The following ARMC9 variants were observed in gnomAD, a reference collection of about 807,000 sequenced individuals.
ARMC9 encodes armadillo repeat containing 9.
In ARMC9, 94 loss-of-function variants were observed where a neutral mutation model predicts 107.0. The ratio of observed to expected loss-of-function variants is 0.88; its 90% CI spans 0.74 to 1.04. The LOEUF (loss-of-function observed/expected upper bound fraction) is 1.04. ARMC9 is among the 50% of genes least tolerant of loss of function. The probability of loss-of-function intolerance (pLI) is 0.00; values close to 1 mark genes in which losing one functional copy is unlikely to be tolerated. For synonymous variants in ARMC9, 380 were observed against 396.9 expected (o/e 0.96, Z 0.51); for missense variants, 942 against 1,030.1 (o/e 0.91, Z 1.17).
At chr2:231,353,973 GTA>G (rs35380089) in intron 21 of ARMC9, among the ~76,000 whole-genome samples, 187 of 125,032 alleles carry the variant, frequency 1.5e-3, no homozygotes, top group African/African-American at 2.1e-3. Flanking sequence ...CAGCATATAT[GTA>G]TATATACACA....
chr2:231,215,295 A>G, intron 4 of ARMC9: 1 of 283,070 alleles, frequency 3.5e-6, no homozygotes, highest in Non-Finnish European at 6.7e-6. Flanking sequence ...GTAGGCGTGT[A>G]TGTCTAAGAG....
chr2:231,227,150 A>G (rs187430082), intron 7 of ARMC9, among the ~76,000 whole-genome samples: 41 of 152,296 alleles, frequency 2.7e-4, no homozygotes, highest in Admixed American at 2.3e-3. Flanking sequence ...TAATTATTTT[A>G]ATATTTAACT....
chr2:231,259,612 T>C (rs895654756), intron 11 of ARMC9, among the ~76,000 whole-genome samples: 1 of 152,214 alleles, frequency 6.6e-6, no homozygotes, highest in African/African-American at 2.4e-5. Context: ...TCAGACCCTT[T>C]CCACTCTCAA....
intron 17 of ARMC9, among the ~76,000 whole-genome samples, chr2:231,285,061 G>T (rs1179258697): frequency 1.3e-5 from 2 of 151,976 alleles, no homozygotes; most frequent in Non-Finnish European, 2.9e-5. Context: ...AGCCGCGTGT[G>T]GTGGCACGTG....
At chr2:231,229,443 T>G (rs1470937456) in intron 7 of ARMC9, among the ~76,000 whole-genome samples, 3 of 152,240 alleles carry the variant, frequency 2.0e-5, no homozygotes, top group Non-Finnish European at 4.4e-5. Context: ...GAAACTTCTC[T>G]CAGAAGGAAT....
chr2:231,227,050 AAAGGGAGGT>A (rs1459069964), intron 7 of ARMC9, among the ~76,000 whole-genome samples: 1 of 152,208 alleles, frequency 6.6e-6, no homozygotes, highest in Non-Finnish European at 1.5e-5. Flanking sequence ...ATAACATCCC[AAAGGGAGGT>A]AACTGCAGCA....
At chr2:231,270,137 G>A (rs768100287) in intron 12 of ARMC9, among the ~76,000 whole-genome samples, 1 of 152,160 alleles carries the variant, frequency 6.6e-6, no homozygotes, top group Non-Finnish European at 1.5e-5. Context: ...AGGCCTAGAG[G>A]GCAAAGGTCT....
At chr2:231,337,148 G>A (rs16827956) in intron 20 of ARMC9, among the ~76,000 whole-genome samples, 7,596 of 151,834 alleles carry the variant, frequency 0.05, 262 homozygotes, top group African/African-American at 0.092. Flanking sequence ...CCACTTTGGG[G>A]CATTTCCTAA....
chr2:231,339,284 C>T (rs2044344457), intron 20 of ARMC9, among the ~76,000 whole-genome samples: 1 of 151,356 alleles, frequency 6.6e-6, no homozygotes, highest in African/African-American at 2.4e-5. Flanking sequence ...GCCGAGATCG[C>T]GCCATTGCAC....
At chr2:231,341,933 T>G (rs1030889847) in intron 20 of ARMC9, among the ~76,000 whole-genome samples, 10 of 152,168 alleles carry the variant, frequency 6.6e-5, no homozygotes, top group Non-Finnish European at 1.5e-4. Context: ...GAAAGCCGGG[T>G]TCTCTGAATG....
At chr2:231,216,374 A>G (rs2033500265) in intron 4 of ARMC9, among the ~76,000 whole-genome samples, 1 of 152,240 alleles carries the variant, frequency 6.6e-6, no homozygotes, top group South Asian at 2.1e-4. Context: ...GAAGAATTTT[A>G]AGGACATGAG....
intron 14 of ARMC9, among the ~76,000 whole-genome samples, chr2:231,275,589 C>T (rs1295458615): frequency 6.6e-6 from 1 of 152,220 alleles, no homozygotes; most frequent in Non-Finnish European, 1.5e-5. Flanking sequence ...TAGGCTTTTG[C>T]TCCTCCTTGT....
chr2:231,318,332 C>T (rs1302501945), intron 19 of ARMC9, among the ~76,000 whole-genome samples: 1 of 152,120 alleles, frequency 6.6e-6, no homozygotes, highest in Non-Finnish European at 1.5e-5. Context: ...AAGGTTTCCA[C>T]CTTCTGCTGC....
intron 1 of ARMC9, among the ~76,000 whole-genome samples, chr2:231,202,344 A>T (rs2031183957): frequency 7.8e-6 from 1 of 127,872 alleles, no homozygotes. Context: ...TTTTTTTGAG[A>T]CAGGGTCTTA....
Position 231,360,656 on chromosome 2 carries a change from T to C in ARMC9, c.2132-98T>C, listed in dbSNP as rs2045532138. On this transcript the variant is annotated intron_variant, in intron 22 of 24. Coordinates refer to ENST00000611582, the MANE Select transcript of ARMC9 (RefSeq NM_001352754.2). The surrounding 1 kb of genome is among the most constrained non-coding windows in gnomAD (Gnocchi z 4.7). ...GGAGCCCGCAGGGCCTGGCCTGGGG[T>C]GCGTGCTTTTCTTGGCTTTCCAACC... The C allele has an allele frequency of 2.0e-6, 3 of 1,520,280 alleles. No individual in the cohort carries two copies. Among genetic ancestry groups the C allele is most frequent in the African/African-American group, 1.4e-5 (1 of 72,752 alleles). 94.2% of individuals were successfully genotyped at this position (1,520,280 alleles called of 1,614,324 possible).
chr2:231,270,579 T>C (rs1429756069), intron 12 of ARMC9: 1 of 471,738 alleles, frequency 2.1e-6, no homozygotes, highest in Non-Finnish European at 4.4e-6. Flanking sequence ...TGCTGTTCTC[T>C]CTGTCCTTGG....
chr2:231,337,472 T>TG (rs2044201462), intron 20 of ARMC9, among the ~76,000 whole-genome samples: 2 of 128,406 alleles, frequency 1.6e-5, no homozygotes, highest in Admixed American at 7.4e-5. Flanking sequence ...AATTTTTGTT[T>TG]TTTTTTTTTT....
intron 7 of ARMC9, among the ~76,000 whole-genome samples, chr2:231,233,190 C>G (rs2035402179): frequency 2.0e-5 from 3 of 152,152 alleles, no homozygotes; most frequent in African/African-American, 2.4e-5. Context: ...TATTTTACTT[C>G]TGTATATAAA....
intron 7 of ARMC9, 146 bp downstream of exon 7, chr2:231,226,944 C>A: frequency 1.1e-6 from 1 of 916,110 alleles, no homozygotes; most frequent in Non-Finnish European, 1.6e-6. Context: ...TCATAGTGAC[C>A]TGCAGTTCCT....
Sources: allele counts gnomAD v4.1 joint callset (sites outside exome capture counted in the v4.1 genomes callset), GRCh38; gene constraint gnomAD v4.1.1; non-coding constraint Gnocchi (gnomAD v3.1); transcripts MANE v1.5; gene names NCBI Gene and HGNC (gene_info 2026-07-23, HGNC 2026-07-21).